The following TOGARAM1 variants were observed in gnomAD, a reference collection of about 807,000 sequenced individuals.
The protein encoded by TOGARAM1 is TOG array regulator of axonemal microtubules 1.
In TOGARAM1, 100 loss-of-function variants were observed where a neutral mutation model predicts 166.6. That is an observed-to-expected ratio of 0.60 (90% CI 0.51 to 0.71). The LOEUF (loss-of-function observed/expected upper bound fraction) is 0.71. Among genes scored for constraint, TOGARAM1 ranks in the 30% least tolerant of loss-of-function variants. TOGARAM1 has a pLI of 0.00. For missense variants in TOGARAM1, 2,029 were observed against 2,102.7 expected, an observed-to-expected ratio of 0.96 and a Z score of 0.69; for synonymous variants, 758 against 763.8, an observed-to-expected ratio of 0.99 and a Z score of 0.13.
intron 1 of TOGARAM1, among the ~76,000 whole-genome samples, chr14:44,979,424 A>T (rs1211496780): frequency 6.6e-6 from 1 of 152,096 alleles, no homozygotes; most frequent in Admixed American, 6.5e-5. Flanking sequence ...GGCCTGTTTT[A>T]TAAGGGCACT....
intron 1 of TOGARAM1, among the ~76,000 whole-genome samples, chr14:44,992,072 TAAAAAAAAAAAAAAA>T (rs71108676): frequency 2.6e-5 from 1 of 37,950 alleles, no homozygotes; most frequent in Admixed American, 5.0e-4. Flanking sequence ...CCCTGTCTGT[TAAAAAAAAAAAAAAA>T]AAAAAAAAAA....
chr14:45,009,640 G>C (rs1163116429), intron 6 of TOGARAM1, among the ~76,000 whole-genome samples: 1 of 152,146 alleles, frequency 6.6e-6, no homozygotes, highest in African/African-American at 2.4e-5. Context: ...CTTGTTAGGA[G>C]TCTCCCTACA....
In TOGARAM1 at chr14:44,963,004, C is replaced by A. The variant is rs773674932; in HGVS notation, c.583C>A (p.Leu195Met). The A allele has an allele frequency of 1.2e-6, 2 of 1,614,174 alleles. No homozygotes were observed. The highest frequency in any genetic ancestry group is 2.2e-5 in the South Asian group (2 of 91,086). ...VVSLREENPA[L>M]RKDALQILHI... is the part of the protein sequence containing the mutation. ...CTCGTTACGGGAAGAGAATCCAGCCCTGCGGAAAGATGCGCTGCAGATCCT... is the reference window on the plus strand; with the variant it reads ...CTCGTTACGGGAAGAGAATCCAGCCATGCGGAAAGATGCGCTGCAGATCCT... Residue 195 changes from leucine to methionine, a missense_variant, in exon 1 of 20, where the codon CTG becomes ATG. Leu to Met is a conservative substitution (Grantham distance 15). Around this residue, in one of 2 missense-constraint regions of TOGARAM1, gnomAD observed 1,453 missense variants for 1,432.2 expected, o/e 1.01. Transcript: ENST00000361462.
intron 1 of TOGARAM1, among the ~76,000 whole-genome samples, chr14:44,975,966 A>C (rs1886165840): frequency 6.6e-6 from 1 of 152,106 alleles, no homozygotes; most frequent in African/African-American, 2.4e-5. Context: ...GACTACATTT[A>C]GTAGTTTTCT....
intron 11 of TOGARAM1, among the ~76,000 whole-genome samples, chr14:45,039,060 G>C (rs1281274718): frequency 3.9e-5 from 6 of 152,150 alleles, no homozygotes; most frequent in Non-Finnish European, 8.8e-5. Flanking sequence ...GAGACCCGGA[G>C]TGGGTAGCTC....
At chr14:45,026,768 C>T (rs745541987) in intron 8 of TOGARAM1, among the ~76,000 whole-genome samples, 8 of 151,472 alleles carry the variant, frequency 5.3e-5, no homozygotes, top group African/African-American at 7.3e-5. Context: ...GAGGCCCAGG[C>T]GGGCAGATCA....
intron 1 of TOGARAM1, chr14:44,995,467 T>C: frequency 2.1e-6 from 1 of 480,420 alleles, no homozygotes; most frequent in Non-Finnish European, 4.1e-6. Context: ...TCATTTGTAT[T>C]CTCTCCTTCC....
At chr14:45,058,999 G>A (rs1026383831) in intron 16 of TOGARAM1, among the ~76,000 whole-genome samples, 5 of 151,756 alleles carry the variant, frequency 3.3e-5, no homozygotes, top group Non-Finnish European at 5.9e-5. Context: ...TTTCTTATAG[G>A]GCCAGTATAG....
Position 44,964,596 on chromosome 14 carries a change from A to G in TOGARAM1, c.2046+129A>G, listed in dbSNP as rs907474593. 9.3e-6 allele frequency: 10 copies of G among 1,078,456 alleles called. No homozygotes were observed. In the Admixed American group the frequency reaches 1.4e-4, roughly 15 times the overall value. 66.8% of individuals were successfully genotyped at this position (1,078,456 alleles called of 1,614,324 possible). Reference sequence around the variant, plus strand: ...TTTGTTTTAAATTGATTTTAAATCCATCTGAATGTTGGTACTCATTATAAT... The same window carrying G: ...TTTGTTTTAAATTGATTTTAAATCCGTCTGAATGTTGGTACTCATTATAAT... On this transcript the variant is annotated intron_variant, in intron 1 of 19. Coordinates refer to ENST00000361462, the MANE Select transcript of TOGARAM1 (RefSeq NM_001308120.2).
intron 18 of TOGARAM1, among the ~76,000 whole-genome samples, chr14:45,071,285 G>GTTT (rs10711034): frequency 7.2e-6 from 1 of 138,190 alleles, no homozygotes. Context: ...GATTCAGGCA[G>GTTT]TTTTTTTTTT....
rs529220712 is a variant in TOGARAM1, at chr14:45,040,526, A to G, written c.3813-3160A>G. Among the ~76,000 whole-genome samples the G allele has an allele frequency of 1.3e-3, 195 of 151,822 alleles. 1 individual carries two copies. Among genetic ancestry groups the G allele is most frequent in the Non-Finnish European group, 2.2e-3 (148 of 67,704 alleles). On this transcript the variant is annotated intron_variant, in intron 11 of 19. Coordinates refer to ENST00000361462, the MANE Select transcript of TOGARAM1 (RefSeq NM_001308120.2). ...AAAGCAGGTTCTTGGAAGAAGATCA[A>G]TAAAACGGATAAGCCTCTAGTCAGA...
chr14:45,027,910 T>G (rs1880949786), intron 9 of TOGARAM1, among the ~76,000 whole-genome samples: 2 of 152,236 alleles, frequency 1.3e-5, no homozygotes, highest in South Asian at 4.1e-4. Context: ...TCTTAATCAT[T>G]TAAATATAGA....
At chr14:44,998,804 TTTAGAC>T (rs1326439093) in intron 2 of TOGARAM1, among the ~76,000 whole-genome samples, 1 of 152,134 alleles carries the variant, frequency 6.6e-6, no homozygotes, top group Non-Finnish European at 1.5e-5. Context: ...CCTTTTTTTC[TTTAGAC>T]TTATTCATCT....
chr14:45,045,583 A>ATATATATGTG (rs1431167583), intron 13 of TOGARAM1, among the ~76,000 whole-genome samples: 1 of 37,472 alleles, frequency 2.7e-5, no homozygotes, highest in Non-Finnish European at 4.4e-5. Context: ...ATATATATAT[A>ATATATATGTG]TGTGTGTGTG....
intron 1 of TOGARAM1, among the ~76,000 whole-genome samples, chr14:44,993,686 A>G (rs1887260435): frequency 6.6e-6 from 1 of 152,204 alleles, no homozygotes; most frequent in Admixed American, 6.5e-5. Flanking sequence ...GTTAATTGGT[A>G]TGTCCTATAG....
intron 15 of TOGARAM1, among the ~76,000 whole-genome samples, chr14:45,054,226 A>T (rs1882521102): frequency 6.6e-6 from 1 of 152,096 alleles, no homozygotes; most frequent in South Asian, 2.1e-4. Flanking sequence ...GTCAATATAT[A>T]TTTTCCCATT....
chr14:45,057,242 A>G (rs536893804), intron 16 of TOGARAM1, among the ~76,000 whole-genome samples: 16 of 152,074 alleles, frequency 1.1e-4, no homozygotes, highest in Non-Finnish European at 1.5e-4. Context: ...CTAGGTAGCG[A>G]TTTATTAATT....
chr14:45,007,813 A>T (rs1327812970), intron 5 of TOGARAM1: 2 of 152,190 alleles, frequency 1.3e-5, no homozygotes, highest in African/African-American at 2.4e-5. Context: ...TAATCTTTAC[A>T]GTAACTCCCT....
intron 1 of TOGARAM1, among the ~76,000 whole-genome samples, chr14:44,990,053 C>T (rs1887047155): frequency 6.6e-6 from 1 of 152,184 alleles, no homozygotes; most frequent in South Asian, 2.1e-4. Flanking sequence ...GATCCAGTCA[C>T]CTCCCACCAA....
Sources: gnomAD v4.1 joint callset for allele counts (sites outside exome capture counted in the v4.1 genomes callset) on GRCh38, gnomAD v4.1.1 for gene constraint, gnomAD v4.1.1 regional missense constraint, MANE v1.5 for transcripts, NCBI Gene and HGNC (gene_info 2026-07-23, HGNC 2026-07-21) for gene names.